The following TCF4 variants were observed in gnomAD, a reference collection of about 807,000 sequenced individuals.
TCF4 encodes the protein transcription factor 4, also known as SL3-3 enhancer factor 2.
In TCF4, 3 loss-of-function variants were observed where a neutral mutation model predicts 82.1. The observed-to-expected ratio is 0.04, with a 90% confidence interval of 0.02 to 0.09. The LOEUF (loss-of-function observed/expected upper bound fraction) is 0.09. TCF4 is among the 10% of genes least tolerant of loss of function. The pLI is 1.00. For synonymous variants in TCF4, 276 were observed against 309.6 expected (o/e 0.89, Z 1.14); for missense variants, 518 against 852.7 (o/e 0.61, Z 4.89).
intron 13 of TCF4, chr18:55,259,644 TTGGAA>T (rs2057611464): frequency 3.3e-6 from 1 of 306,912 alleles, no homozygotes; most frequent in Admixed American, 4.6e-5. Flanking sequence ...AGACGTTTTA[TTGGAA>T]TACATTATTC....
intron 15 of TCF4, among the ~76,000 whole-genome samples, chr18:55,238,055 G>A (rs928594108): frequency 6.6e-6 from 1 of 152,172 alleles, no homozygotes; most frequent in Admixed American, 6.5e-5. Context: ...AATGAGCTGG[G>A]GCATCCAATG....
In TCF4 at chr18:55,325,048, A is replaced by T. The variant is rs1339050511; in HGVS notation, c.549+25311T>A. On this transcript the variant is annotated intron_variant, in intron 8 of 19. Coordinates refer to ENST00000354452, the MANE Select transcript of TCF4 (RefSeq NM_001083962.2). ...AGAAACTGGGAAATATTTGACCTAAAACCCCCAATGCATTGGCATAGTATT... is the reference window on the plus strand; with the variant it reads ...AGAAACTGGGAAATATTTGACCTAATACCCCCAATGCATTGGCATAGTATT... Among the ~76,000 whole-genome samples, 3 of 152,342 alleles carry T rather than the reference A, an allele frequency of 2.0e-5. No homozygotes were observed. In the East Asian group the frequency reaches 5.8e-4, roughly 29 times the overall value.
At chr18:55,554,670 C>G (rs1208693099) in intron 3 of TCF4, among the ~76,000 whole-genome samples, 1 of 152,152 alleles carries the variant, frequency 6.6e-6, no homozygotes, top group African/African-American at 2.4e-5. Flanking sequence ...TTGAAGGAAG[C>G]AAGCGGCTGC....
At chr18:55,418,002 AATGTGT>A (rs1354684645) in intron 5 of TCF4, among the ~76,000 whole-genome samples, 2 of 113,128 alleles carry the variant, frequency 1.8e-5, no homozygotes, top group Non-Finnish European at 3.6e-5. Context: ...TTCTTGAGCA[AATGTGT>A]GTGTGTGTGT....
chr18:55,573,697 C>T (rs1182531350), intron 3 of TCF4, among the ~76,000 whole-genome samples: 1 of 152,204 alleles, frequency 6.6e-6, no homozygotes, highest in Non-Finnish European at 1.5e-5. Flanking sequence ...CTGAGCCCTT[C>T]CTGACTGCTC....
upstream of TCF4, among the ~76,000 whole-genome samples, chr18:55,593,246 C>T (rs889296351): frequency 6.6e-6 from 1 of 151,586 alleles, no homozygotes; most frequent in African/African-American, 2.4e-5. Context: ...GGGCAAGTTT[C>T]ACATTATGTC....
intron 7 of TCF4, 44 bp from the exon 8 acceptor site, chr18:55,350,452 T>G: frequency 1.2e-6 from 2 of 1,607,416 alleles, no homozygotes; most frequent in Non-Finnish European, 1.7e-6. Flanking sequence ...ATGCCCATTT[T>G]CCTAACTAAG....
Position 55,403,887 on chromosome 18 carries a change from T to C in TCF4, c.305-369A>G, listed in dbSNP as rs1269967943. On this transcript the variant is annotated intron_variant, in intron 5 of 19. Transcript: ENST00000354452. ...AATTATCTATGTAATGACCCTAGCC[T>C]AGTAATTCCCATTGATTATATTGAC... The C allele has an allele frequency of 2.1e-6, 3 of 1,441,034 alleles. No individual in the cohort carries two copies. The African/African-American group carries it at 4.3e-5, about 21-fold the overall frequency. 89.3% of individuals were successfully genotyped at this position (1,441,034 alleles called of 1,614,324 possible). A position where few individuals can be genotyped will look rare whatever the true frequency, so the allele number is the denominator to read the frequency against.
At chr18:55,562,116 C>T (rs2097360363) in intron 3 of TCF4, among the ~76,000 whole-genome samples, 1 of 152,100 alleles carries the variant, frequency 6.6e-6, no homozygotes, top group Non-Finnish European at 1.5e-5. Flanking sequence ...GGTTTCTTTG[C>T]TGTCTATAAC....
intron 6 of TCF4, among the ~76,000 whole-genome samples, chr18:55,375,813 A>C (rs991851621): frequency 6.6e-6 from 1 of 152,106 alleles, no homozygotes; most frequent in Non-Finnish European, 1.5e-5. Flanking sequence ...AACATTTAAA[A>C]GTATGAAACT....
chr18:55,543,003 A>G (rs1429543837), intron 3 of TCF4, among the ~76,000 whole-genome samples: 1 of 152,150 alleles, frequency 6.6e-6, no homozygotes, highest in African/African-American at 2.4e-5. Context: ...GTTTGCACAT[A>G]TATTCTCCTT....
At chr18:55,470,963 A>G (rs1286246738) in intron 3 of TCF4, among the ~76,000 whole-genome samples, 1 of 152,144 alleles carries the variant, frequency 6.6e-6, no homozygotes, top group African/African-American at 2.4e-5. Context: ...CATTATGGAG[A>G]CTCACAGACT....
intron 6 of TCF4, among the ~76,000 whole-genome samples, chr18:55,392,680 C>T (rs753371477): frequency 1.9e-4 from 29 of 152,076 alleles, no homozygotes; most frequent in East Asian, 1.2e-3. Context: ...ATCTGAATAG[C>T]ACAAAATGTT....
chr18:55,622,881 C>CTGTGTGTGTG (rs1168157065), intron 2 of TCF4, among the ~76,000 whole-genome samples: 61,764 of 149,478 alleles, frequency 0.41, 12,781 homozygotes, highest in African/African-American at 0.47. Context: ...TTTCTCCACT[C>CTGTGTGTGTG]TGTGTGTGTG....
intron 8 of TCF4, among the ~76,000 whole-genome samples, chr18:55,309,540 G>A (rs1022508427): frequency 1.3e-5 from 2 of 152,164 alleles, no homozygotes; most frequent in African/African-American, 4.8e-5. Flanking sequence ...GTGCAGTAAC[G>A]ATCAAATTAG....
At chr18:55,621,655 TA>T (rs1320410539) in intron 2 of TCF4, among the ~76,000 whole-genome samples, 6 of 61,044 alleles carry the variant, frequency 9.8e-5, no homozygotes, top group Non-Finnish European at 1.8e-4. Flanking sequence ...ATACATTATA[TA>T]ATATACATTA....
intron 8 of TCF4, among the ~76,000 whole-genome samples, chr18:55,325,683 T>C (rs1221174482): frequency 6.6e-6 from 1 of 152,216 alleles, no homozygotes; most frequent in African/African-American, 2.4e-5. Flanking sequence ...ACACGGAAAG[T>C]TGTTTTTTGT....
At chr18:55,471,520 C>T (rs2096179463) in intron 3 of TCF4, among the ~76,000 whole-genome samples, 1 of 152,096 alleles carries the variant, frequency 6.6e-6, no homozygotes, top group African/African-American at 2.4e-5. Flanking sequence ...CTTATGTGGA[C>T]AGCAATCAAA....
chr18:55,278,882 T>G (rs946618553), intron 9 of TCF4, among the ~76,000 whole-genome samples: 17 of 152,184 alleles, frequency 1.1e-4, no homozygotes, highest in African/African-American at 4.1e-4. Context: ...TTGGTCTTTT[T>G]TGAGCAGCAG....
Sources: gnomAD v4.1 joint callset for allele counts (sites outside exome capture counted in the v4.1 genomes callset) on GRCh38, gnomAD v4.1.1 for gene constraint, MANE v1.5 for transcripts, NCBI Gene and HGNC (gene_info 2026-07-23, HGNC 2026-07-21) for gene names.